Variants in EHD1 observed in about 807,000 individuals in gnomAD.
The protein encoded by EHD1 is EH domain containing 1, also known as EH domain-containing protein 1.
A neutral mutation model predicts 39.0 loss-of-function variants in EHD1; 19 were observed. The observed-to-expected ratio is 0.49, with a 90% CI of 0.34 to 0.72. The LOEUF (loss-of-function observed/expected upper bound fraction) is 0.72, where lower values mean the gene tolerates loss of function less well. Ranked by LOEUF, EHD1 falls within the 30% of genes least tolerant of loss-of-function variation. The probability of loss-of-function intolerance (pLI) is 0.01; values close to 1 mark genes in which losing one functional copy is unlikely to be tolerated. For missense variants in EHD1, 542 were observed against 751.5 expected (o/e 0.72, Z 3.26); for synonymous variants, 323 against 331.2 (o/e 0.98, Z 0.27).
chr11:64,855,497 G>A lies in EHD1; in HGVS notation c.916-11C>T, dbSNP rs202084601. The A allele has an allele frequency of 2.4e-5, 38 of 1,613,358 alleles. No homozygotes were observed. The East Asian group carries it at 6.2e-4, about 26-fold the overall frequency. On this transcript the variant is annotated splice_polypyrimidine_tract_variant and intron_variant, in intron 3 of 4. Transcript: ENST00000320631. ...GATGTAGGCGTGAACCTGTGAGGACGGGGTGAGCATCAGGCGCTCTCTTGG... is the reference window on the plus strand; with the variant it reads ...GATGTAGGCGTGAACCTGTGAGGACAGGGTGAGCATCAGGCGCTCTCTTGG...
intron 3 of EHD1, 142 bp downstream of exon 3, chr11:64,859,782 T>C: frequency 8.2e-7 from 1 of 1,225,084 alleles, no homozygotes; most frequent in African/African-American, 1.5e-5. Context: ...GACTGGTTTC[T>C]ATAGAGGGAA....
At chr11:64,872,886 AC>A (rs1943844900) in intron 2 of EHD1, among the ~76,000 whole-genome samples, 1 of 152,220 alleles carries the variant, frequency 6.6e-6, no homozygotes, top group African/African-American at 2.4e-5. Context: ...TGCAAGGCTC[AC>A]CCAGCAAAGG....
intron 1 of EHD1, 167 bp downstream of exon 1, chr11:64,877,894 T>A: frequency 3.2e-6 from 2 of 627,508 alleles, no homozygotes; most frequent in Non-Finnish European, 4.8e-6. Context: ...CCCAGTGGGT[T>A]TACTCTGGGA....
chr11:64,861,362 A>G (rs973463212), intron 2 of EHD1, among the ~76,000 whole-genome samples: 1 of 152,148 alleles, frequency 6.6e-6, no homozygotes, highest in Non-Finnish European at 1.5e-5. Context: ...GGGTCAGAGG[A>G]GGGCGAGAGT....
chr11:64,879,293 G>T, upstream of EHD1: 1 of 904,568 alleles, frequency 1.1e-6, no homozygotes, highest in Non-Finnish European at 1.5e-6. Context: ...GACGGGGTGG[G>T]AATGGGAGAG....
At chr11:64,872,345 C>T (rs375241583) in intron 2 of EHD1, among the ~76,000 whole-genome samples, 132 of 152,242 alleles carry the variant, frequency 8.7e-4, no homozygotes, top group East Asian at 5.0e-3. Flanking sequence ...CCTGTAATCC[C>T]AGCTACTCAG....
chr11:64,855,857 TCAACCC>T (rs1433778662), intron 3 of EHD1: 1 of 246,680 alleles, frequency 4.1e-6, no homozygotes, highest in African/African-American at 2.5e-5. Context: ...CACCCTCTGT[TCAACCC>T]TCACCACGCA....
chr11:64,857,609 T>C (rs951464801), intron 3 of EHD1, among the ~76,000 whole-genome samples: 1 of 151,912 alleles, frequency 6.6e-6, no homozygotes, highest in Non-Finnish European at 1.5e-5. Context: ...GGGAGGACAG[T>C]GGTGGCAAAG....
rs1417871662 is a variant in EHD1, at chr11:64,878,321, G to C, written c.144C>G (p.Pro48=). ...EHYRFHEFHS[P]ALEDADFDNK... Reference sequence around the variant, plus strand: ...TGTCGAAGTCAGCGTCCTCCAGCGCGGGCGAGTGGAACTCGTGGAAGCGGT... The same window carrying C: ...TGTCGAAGTCAGCGTCCTCCAGCGCCGGCGAGTGGAACTCGTGGAAGCGGT... Residue 48 remains proline (P), a synonymous_variant, in exon 1 of 5, where the codon CCC becomes CCG. Coordinates refer to ENST00000320631, the MANE Select transcript of EHD1 (RefSeq NM_006795.4). 2 of 1,614,084 alleles carry C rather than the reference G, an allele frequency of 1.2e-6. No individual in the cohort carries two copies. The highest frequency in any genetic ancestry group is 2.2e-5 in the East Asian group (1 of 44,900).
At chr11:64,876,533 CT>C (rs1464719842) in intron 1 of EHD1, among the ~76,000 whole-genome samples, 1 of 152,238 alleles carries the variant, frequency 6.6e-6, no homozygotes, top group Non-Finnish European at 1.5e-5. Context: ...TCGAATTGCT[CT>C]TTTTCGGGTA....
At chr11:64,857,508 C>T (rs1163049421) in intron 3 of EHD1, among the ~76,000 whole-genome samples, 3 of 152,204 alleles carry the variant, frequency 2.0e-5, no homozygotes, top group South Asian at 4.1e-4. Context: ...ATCTGACCCA[C>T]GCCCGTGCAC....
intron 3 of EHD1, among the ~76,000 whole-genome samples, chr11:64,857,150 C>T (rs748010060): frequency 3.3e-5 from 5 of 152,310 alleles, no homozygotes; most frequent in Admixed American, 1.3e-4. Flanking sequence ...GCCAGCCGGG[C>T]GCGGTGGCTC....
At chr11:64,878,878 C>T (rs964265598), upstream of EHD1, 2 of 1,061,788 alleles carry the variant, frequency 1.9e-6, no homozygotes, top group South Asian at 3.6e-5. Context: ...GAAAGTGCTG[C>T]GGTTAGGAAG....
At chr11:64,878,948 C>T (rs1943924166), upstream of EHD1, 4 of 1,004,526 alleles carry the variant, frequency 4.0e-6, no homozygotes, top group Non-Finnish European at 4.7e-6. Context: ...GGCACCGTGG[C>T]CCCCCCACAC....
chr11:64,858,748 C>T (rs922806726), intron 3 of EHD1, among the ~76,000 whole-genome samples: 13 of 152,226 alleles, frequency 8.5e-5, no homozygotes, highest in South Asian at 2.1e-4. Flanking sequence ...TGGAAGGGCC[C>T]GCTGGTGGCA....
chr11:64,877,096 T>A (rs1223257166), intron 1 of EHD1, among the ~76,000 whole-genome samples: 1 of 152,152 alleles, frequency 6.6e-6, no homozygotes, highest in Non-Finnish European at 1.5e-5. Flanking sequence ...GAAAGGCATG[T>A]GGAGTCCGTG....
At chr11:64,854,918 A>G in intron 4 of EHD1, 61 bp from the exon 5 acceptor site, 3 of 1,563,026 alleles carry the variant, frequency 1.9e-6, no homozygotes, top group Non-Finnish European at 2.6e-6. Context: ...ACTCCAGGCC[A>G]AGTGGTTCCA....
chr11:64,854,786 G>A lies in EHD1; in HGVS notation c.1152C>T (p.Asp384=), dbSNP rs1316712543. ...GCCGCGCGATGTCGTTGGCCAGCAT[G>A]TCATCCACCGTGTCCAGCAGCTTGG... ...LKPKLLDTVD[D]MLANDIARLM... is the part of the protein sequence containing the mutation. Residue 384 remains aspartate, a synonymous_variant, in exon 5 of 5, where the codon GAC becomes GAT. Transcript: ENST00000320631. 1 of 1,605,402 alleles carries A rather than the reference G, an allele frequency of 6.2e-7. No individual in the cohort carries two copies. The highest frequency in any genetic ancestry group is 8.5e-7 in the Non-Finnish European group (1 of 1,179,984).
At chr11:64,855,519 T>C (rs1284787330) in intron 3 of EHD1, 33 bp from the exon 4 acceptor site, 1 of 1,611,682 alleles carries the variant, frequency 6.2e-7, no homozygotes, top group South Asian at 1.1e-5. Flanking sequence ...AGGCGCTCTC[T>C]TGGCCCAGGC....
Sources: gnomAD v4.1 joint callset for allele counts (sites outside exome capture counted in the v4.1 genomes callset) on GRCh38, gnomAD v4.1.1 for gene constraint, MANE v1.5 for transcripts, NCBI Gene and HGNC (gene_info 2026-07-23, HGNC 2026-07-21) for gene names.